Variants in RNF213 observed in about 807,000 individuals in gnomAD.
RNF213 encodes ring finger protein 213.
A neutral mutation model predicts 514.4 loss-of-function variants in RNF213; 341 were observed. The ratio of observed to expected loss-of-function variants is 0.66; its 90% CI spans 0.61 to 0.73. The LOEUF is 0.73. RNF213 is among the 30% of genes least tolerant of loss of function. The pLI is 0.00. For missense variants in RNF213, 5,767 were observed against 6,615.6 expected (o/e 0.87, Z 4.45); for synonymous variants, 2,655 against 2,658.2 (o/e 1.00, Z 0.04).
chr17:80,376,441 G>C lies in RNF213; in HGVS notation c.13326G>C (p.Thr4442=). 6.2e-7 allele frequency: 1 copy of C among 1,614,148 alleles called. No homozygotes were observed. The highest frequency in any genetic ancestry group is 2.2e-5 in the East Asian group (1 of 44,870). Reference sequence around the variant, plus strand: ...CTAGTGACAGCAACCTTGATGGAACGGTGACAGAAATGGCCATTCATGCTG... The same window carrying C: ...CTAGTGACAGCAACCTTGATGGAACCGTGACAGAAATGGCCATTCATGCTG... ...AGPSDSNLDG[T]VTEMAIHAAA... Residue 4442 remains threonine, a synonymous_variant, in exon 52 of 68, where the codon ACG becomes ACC. Transcript: ENST00000582970.
chr17:80,385,670 C>A, intron 61 of RNF213, 49 bp downstream of exon 61: 1 of 1,505,664 alleles, frequency 6.6e-7, no homozygotes, highest in Non-Finnish European at 9.2e-7. Flanking sequence ...AGAGCCTCGT[C>A]TGAAAGCTCT....
At chr17:80,318,048 A>G (rs2046005566) in intron 16 of RNF213, among the ~76,000 whole-genome samples, 1 of 152,048 alleles carries the variant, frequency 6.6e-6, no homozygotes, top group South Asian at 2.1e-4. Context: ...TCTTCCCTGA[A>G]GTCAGGACGT....
intron 42 of RNF213, chr17:80,364,962 T>C (rs950532339): frequency 3.3e-6 from 1 of 302,304 alleles, no homozygotes; most frequent in Admixed American, 4.6e-5. Context: ...CACCGGGGTT[T>C]GGGGTCTTCA....
At position 80,363,620 on chromosome 17, in the gene RNF213, A is replaced by G. The variant is rs766855367; in HGVS notation, c.11580A>G (p.Ala3860=). 4 of 1,613,824 alleles carry G rather than the reference A, an allele frequency of 2.5e-6. No homozygotes were observed. Among genetic ancestry groups the G allele is most frequent in the South Asian group, 2.2e-5 (2 of 91,066 alleles). The change falls in exon 41 of 68, where the codon GCA becomes GCG. Residue 3860 remains alanine (A), a synonymous_variant. Coordinates refer to ENST00000582970, the MANE Select transcript of RNF213 (RefSeq NM_001256071.3). ...GTCCGTCTCCCCAGACCCTGGACGCATTTGCCGCAATGGCCTGCACGGAGA... is the reference window on the plus strand; with the variant it reads ...GTCCGTCTCCCCAGACCCTGGACGCGTTTGCCGCAATGGCCTGCACGGAGA... ...ELAGCEMTLD[A]FAAMACTEML...
intron 15 of RNF213, among the ~76,000 whole-genome samples, chr17:80,315,015 C>A (rs371179291): frequency 1.8e-3 from 3 of 1,684 alleles, no homozygotes; most frequent in African/African-American, 4.4e-3. Context: ...GGTGGAGGTA[C>A]TGGAGGTGAT....
intron 17 of RNF213, 179 bp downstream of exon 17, chr17:80,319,491 A>G (rs749538986): frequency 5.6e-6 from 9 of 1,613,798 alleles, no homozygotes; most frequent in Non-Finnish European, 7.6e-6. Context: ...TTCTCTCCGG[A>G]TTCCTCAGTG....
Position 80,348,200 on chromosome 17 carries a change from CACAG to C in RNF213, c.9871_9874del (p.Gln3291GlyfsTer34). On this transcript the variant is annotated frameshift_variant, in exon 29 of 68. Transcript: ENST00000582970. LOFTEE classifies it high-confidence loss of function. ...GGAGTGGCTGTCGCAGGAGTACTTT[CACAG>C]ACAGAGGCACAACTCCTTTGCAGAT... 6.2e-7 allele frequency: 1 copy of C among 1,613,984 alleles called. No individual in the cohort carries two copies. The highest frequency in any genetic ancestry group is 8.5e-7 in the Non-Finnish European group (1 of 1,180,054).
intron 14 of RNF213, among the ~76,000 whole-genome samples, chr17:80,311,850 G>A (rs1248698314): frequency 2.0e-5 from 3 of 152,186 alleles, no homozygotes. Context: ...CACTTGGCTG[G>A]GTGTAGTAGC....
intron 54 of RNF213, among the ~76,000 whole-genome samples, chr17:80,378,442 GTAGT>G (rs988126803): frequency 4.6e-5 from 7 of 152,298 alleles, no homozygotes; most frequent in African/African-American, 7.2e-5. Context: ...CTGACACGTG[GTAGT>G]TAGTTATTAG....
intron 1 of RNF213, among the ~76,000 whole-genome samples, chr17:80,262,242 C>T (rs1159008007): frequency 6.6e-6 from 1 of 151,924 alleles, no homozygotes; most frequent in Non-Finnish European, 1.5e-5. Flanking sequence ...GAGTTTTAAA[C>T]TCTCCTTCTA....
At position 80,317,695 on chromosome 17, in the gene RNF213, G is replaced by A. The variant is rs2045993680; in HGVS notation, c.2901+418G>A. On this transcript the variant is annotated intron_variant, in intron 16 of 67. Transcript: ENST00000582970. The surrounding 1 kb of genome is among the most constrained non-coding windows in gnomAD (Gnocchi z 4.1). ...GCCCTGCAGCAGTGCCCAGATTGAG[G>A]TGCCTGCAACCCCCGAAGCTCCAGA... Among the ~76,000 whole-genome samples, 1 of 152,188 alleles carries A rather than the reference G, an allele frequency of 6.6e-6. No individual in the cohort carries two copies. The highest frequency in any genetic ancestry group is 2.1e-4 in the South Asian group (1 of 4,830).
At position 80,345,944 on chromosome 17, in the gene RNF213, C is replaced by T. The variant is rs760322886; in HGVS notation, c.7609C>T (p.Arg2537Cys). 9.9e-6 allele frequency: 16 copies of T among 1,614,012 alleles called. No homozygotes were observed. The East Asian group carries it at 1.1e-4, about 11-fold the overall frequency. Residue 2537 changes from arginine to cysteine, a missense_variant, in exon 29 of 68, where the codon CGT (arginine) becomes TGT (cysteine). Arg to Cys is a radical substitution (Grantham distance 180). Transcript: ENST00000582970. This position sits in a 1 kb window ranked among gnomAD's most constrained non-coding sequence, Gnocchi z 6.0. ...GAAGCACTCTGAGGAGATGATCTGC[C>T]GTTTGGAGTCAGCTGGTTTGGGCTA... ...YRKHSEEMIC[R>C]LESAGLGYRV...
Position 80,375,830 on chromosome 17 carries a change from T to G in RNF213, c.13145T>G (p.Leu4382Trp). Residue 4382 changes from leucine to tryptophan, a missense_variant, in exon 51 of 68, where the codon TTG becomes TGG. By Grantham distance (61) the Leu-to-Trp change is moderately conservative. Transcript: ENST00000582970. ...ACACTGTTTAGAGAGGTGGCTATTT[T>G]GTACAGATCCCACAATGCAAGCCTC... ...LLTLFREVAI[L>W]YRSHNASLHP... 3 of 1,614,172 alleles carry G rather than the reference T, an allele frequency of 1.9e-6. No homozygotes were observed. The highest frequency in any genetic ancestry group is 2.5e-6 in the Non-Finnish European group (3 of 1,180,000).
Position 80,348,042 on chromosome 17 carries a change from G to A in RNF213, c.9707G>A (p.Arg3236Lys). 6.2e-7 allele frequency: 1 copy of A among 1,614,208 alleles called. No homozygotes were observed. Among genetic ancestry groups the A allele is most frequent in the South Asian group, 1.1e-5 (1 of 91,090 alleles). ...TCTGTGGTGCTGCAGGTCATAGAGAGGCAGGGTCCCCGGGCCTTGACGGAG... is the reference window on the plus strand; with the variant it reads ...TCTGTGGTGCTGCAGGTCATAGAGAAGCAGGGTCCCCGGGCCTTGACGGAG... ...CASVVLQVIE[R>K]QGPRALTEEL... The change falls in exon 29 of 68, where the codon AGG (arginine) becomes AAG (lysine). Residue 3236 changes from arginine to lysine, a missense_variant. By Grantham distance (26) the Arg-to-Lys change is conservative. Around this residue, in one of 13 missense-constraint regions of RNF213, gnomAD observed 919 missense variants for 1,121.0 expected, o/e 0.82. Transcript: ENST00000582970.
chr17:80,284,559 A>G (rs1265580561), intron 3 of RNF213, among the ~76,000 whole-genome samples: 1 of 152,042 alleles, frequency 6.6e-6, no homozygotes, highest in Admixed American at 6.6e-5. Context: ...AAGAAAAAAA[A>G]AAAAGCCTTT....
intron 60 of RNF213, among the ~76,000 whole-genome samples, 154 bp from the exon 61 acceptor site, chr17:80,385,384 A>C (rs1191678605): frequency 1.3e-5 from 2 of 152,158 alleles, no homozygotes; most frequent in Admixed American, 1.3e-4. Flanking sequence ...CTAGCTCCTC[A>C]AACTCGGCTC....
Position 80,339,184 on chromosome 17 carries a change from TG to T in RNF213, c.4834-15del. 6.8e-7 allele frequency: 1 copy of T among 1,460,182 alleles called. No individual in the cohort carries two copies. Among genetic ancestry groups the T allele is most frequent in the South Asian group, 1.4e-5 (1 of 71,024 alleles). The allele number at this position is 1,460,182 out of a possible 1,614,324, so 90.5% of individuals were successfully genotyped here. A position where few individuals can be genotyped will look rare whatever the true frequency, so the allele number is the denominator to read the frequency against. ...CGCATGGCTCTGTGAGCCAACCTCA[TG>T]GTTCTGCCTCTCCAGGTCTTCTGCA... is the stretch of plus-strand genomic sequence containing the variant. On this transcript the variant is annotated splice_polypyrimidine_tract_variant and intron_variant, in intron 25 of 67. Transcript: ENST00000582970.
chr17:80,282,864 AT>A (rs1343933499), intron 3 of RNF213, among the ~76,000 whole-genome samples: 2 of 146,180 alleles, frequency 1.4e-5, no homozygotes, highest in African/African-American at 5.1e-5. Context: ...CGCCTGGCTA[AT>A]TTTTGTATTT....
At chr17:80,355,580 G>A (rs56056781) in intron 36 of RNF213, among the ~76,000 whole-genome samples, 5,592 of 14,486 alleles carry the variant, frequency 0.39, 1,534 homozygotes, top group African/African-American at 0.58. Flanking sequence ...AGCGGGGTGA[G>A]TGGGAATGGG....
Sources: gnomAD v4.1 joint callset for allele counts (sites outside exome capture counted in the v4.1 genomes callset) on GRCh38, gnomAD v4.1.1 for gene constraint, gnomAD v4.1.1 regional missense constraint, Gnocchi (gnomAD v3.1) non-coding constraint, MANE v1.5 for transcripts, NCBI Gene and HGNC (gene_info 2026-07-23, HGNC 2026-07-21) for gene names.